The following ZFPM2 variants were observed in gnomAD, a reference collection of about 807,000 sequenced individuals.
The protein encoded by ZFPM2 is zinc finger protein ZFPM2.
Under a neutral mutation model 98.6 loss-of-function variants are expected in ZFPM2, and 20 were observed. The observed-to-expected ratio is 0.20, with a 90% confidence interval of 0.14 to 0.29. The LOEUF (loss-of-function observed/expected upper bound fraction) is 0.29. ZFPM2 is among the 10% of genes least tolerant of loss of function. The probability of loss-of-function intolerance (pLI) is 1.00; values close to 1 mark genes in which losing one functional copy is unlikely to be tolerated. For synonymous variants in ZFPM2, 518 were observed against 502.7 expected (o/e 1.03, Z -0.41); for missense variants, 1,310 against 1,388.6 (o/e 0.94, Z 0.90).
intron 3 of ZFPM2, among the ~76,000 whole-genome samples, chr8:105,468,119 C>A (rs1051473943): frequency 6.6e-6 from 1 of 151,922 alleles, no homozygotes; most frequent in Non-Finnish European, 1.5e-5. Flanking sequence ...ACCATCCTTA[C>A]TTCTTCGGTG....
intron 5 of ZFPM2, among the ~76,000 whole-genome samples, chr8:105,641,003 C>T (rs1424243243): frequency 1.3e-5 from 2 of 151,852 alleles, no homozygotes; most frequent in Non-Finnish European, 1.5e-5. Flanking sequence ...AATCATAAGG[C>T]GATTAAGTTA....
intron 5 of ZFPM2, among the ~76,000 whole-genome samples, chr8:105,786,243 A>C (rs1346310490): frequency 6.6e-6 from 1 of 152,154 alleles, no homozygotes; most frequent in Non-Finnish European, 1.5e-5. Context: ...TGAACTAATA[A>C]AAACATCACC....
chr8:105,516,467 C>G (rs1425005473), intron 3 of ZFPM2, among the ~76,000 whole-genome samples: 2 of 152,128 alleles, frequency 1.3e-5, no homozygotes, highest in Admixed American at 6.6e-5. Flanking sequence ...ATGTTCTTAT[C>G]TGGATATACT....
At chr8:105,724,946 A>G (rs1470108755) in intron 5 of ZFPM2, among the ~76,000 whole-genome samples, 3 of 151,836 alleles carry the variant, frequency 2.0e-5, no homozygotes, top group African/African-American at 7.2e-5. Context: ...AAAAAAATCC[A>G]CATATAAGTG....
chr8:105,474,775 T>A (rs190914532), intron 3 of ZFPM2, among the ~76,000 whole-genome samples: 23 of 152,294 alleles, frequency 1.5e-4, no homozygotes, highest in Admixed American at 7.8e-4. Context: ...ATTAGGTGAG[T>A]GTAGAAGTGA....
chr8:105,446,537 G>C (rs1350154858), intron 3 of ZFPM2, among the ~76,000 whole-genome samples: 1 of 152,102 alleles, frequency 6.6e-6, no homozygotes, highest in East Asian at 1.9e-4. Flanking sequence ...AAAAGAGGGG[G>C]AGAGAAAGTG....
chr8:105,506,345 A>G (rs1586423003), intron 3 of ZFPM2, among the ~76,000 whole-genome samples: 1 of 152,206 alleles, frequency 6.6e-6, no homozygotes, highest in Non-Finnish European at 1.5e-5. Flanking sequence ...AGAGTTTACT[A>G]TTAGGAGTTA....
chr8:105,405,641 G>A (rs1811435493), intron 1 of ZFPM2, among the ~76,000 whole-genome samples: 1 of 151,984 alleles, frequency 6.6e-6, no homozygotes, highest in East Asian at 1.9e-4. Context: ...AGTATTCCAT[G>A]GTGTATATGT....
chr8:105,599,673 G>A (rs774737043), intron 4 of ZFPM2, among the ~76,000 whole-genome samples: 3 of 152,086 alleles, frequency 2.0e-5, no homozygotes, highest in Non-Finnish European at 2.9e-5. Flanking sequence ...GCACAGCCAT[G>A]GAGGCTATTA....
intron 5 of ZFPM2, among the ~76,000 whole-genome samples, chr8:105,784,440 GC>G (rs1813353651): frequency 6.9e-6 from 1 of 145,838 alleles, no homozygotes; most frequent in African/African-American, 2.8e-5. Flanking sequence ...TCATAGGTGT[GC>G]CTTTTCTTTC....
chr8:105,734,953 G>A lies in ZFPM2; in HGVS notation c.533-53765G>A, dbSNP rs561174547. 1.1e-3 allele frequency among the ~76,000 whole-genome samples: 171 copies of A among 150,504 alleles called. 1 individual carries two copies. Among genetic ancestry groups the A allele is most frequent in the African/African-American group, 3.6e-3 (150 of 41,140 alleles). On this transcript the variant is annotated intron_variant, in intron 5 of 7. Transcript: ENST00000407775. ...TCTGCCATTTCCAGTTTCTCTCACT[G>A]CAGTTTTAACCATTAAGGCATATTA...
chr8:105,382,134 A>G (rs1320815898), intron 1 of ZFPM2, among the ~76,000 whole-genome samples: 2 of 152,114 alleles, frequency 1.3e-5, no homozygotes, highest in African/African-American at 4.8e-5. Context: ...CTTTGGATGA[A>G]TACAGGCTTA....
chr8:105,396,790 A>G (rs1354306914), intron 1 of ZFPM2, among the ~76,000 whole-genome samples: 1 of 152,212 alleles, frequency 6.6e-6, no homozygotes, highest in African/African-American at 2.4e-5. Context: ...CAAGAAAATA[A>G]AGCCAATAAG....
At chr8:105,346,399 A>AG (rs1491455404) in intron 1 of ZFPM2, among the ~76,000 whole-genome samples, 4 of 151,014 alleles carry the variant, frequency 2.6e-5, no homozygotes, top group African/African-American at 9.8e-5. Context: ...AAAAAAAAAA[A>AG]TAAATAAATA....
intron 5 of ZFPM2, among the ~76,000 whole-genome samples, chr8:105,652,667 G>T (rs1383186044): frequency 3.3e-5 from 5 of 152,054 alleles, no homozygotes; most frequent in Non-Finnish European, 5.9e-5. Flanking sequence ...CGTTTAGCTT[G>T]TGCAGTCTTT....
chr8:105,482,653 A>T (rs1813143125), intron 3 of ZFPM2, among the ~76,000 whole-genome samples: 1 of 152,130 alleles, frequency 6.6e-6, no homozygotes, highest in Non-Finnish European at 1.5e-5. Context: ...AAAATCTATC[A>T]TTATTCAACA....
intron 3 of ZFPM2, among the ~76,000 whole-genome samples, chr8:105,458,238 T>G (rs1369347121): frequency 2.0e-5 from 3 of 152,138 alleles, no homozygotes; most frequent in Non-Finnish European, 4.4e-5. Context: ...TTTTAAAAAT[T>G]TAATACAAGG....
chr8:105,723,152 C>A (rs1318232918), intron 5 of ZFPM2, among the ~76,000 whole-genome samples: 2 of 151,794 alleles, frequency 1.3e-5, no homozygotes, highest in Non-Finnish European at 1.5e-5. Flanking sequence ...TTTCATCCCC[C>A]ACCCATTTTT....
At chr8:105,597,887 A>C (rs1816004089) in intron 4 of ZFPM2, among the ~76,000 whole-genome samples, 1 of 152,032 alleles carries the variant, frequency 6.6e-6, no homozygotes, top group Non-Finnish European at 1.5e-5. Context: ...AATTAGGATA[A>C]ATATGAAATT....
Sources: gnomAD v4.1 joint callset for allele counts (sites outside exome capture counted in the v4.1 genomes callset) on GRCh38, gnomAD v4.1.1 for gene constraint, MANE v1.5 for transcripts, NCBI Gene and HGNC (gene_info 2026-07-23, HGNC 2026-07-21) for gene names.